Variants in CCSER1 observed in about 807,000 individuals in gnomAD.
The protein encoded by CCSER1 is coiled-coil serine rich protein 1, also known as serine-rich coiled-coil domain-containing protein 1.
A neutral mutation model predicts 82.0 loss-of-function variants in CCSER1; 41 were observed. That is an observed-to-expected ratio of 0.50 (90% CI 0.39 to 0.65). The LOEUF is 0.65. Among genes scored for constraint, CCSER1 ranks in the 30% least tolerant of loss-of-function variants. CCSER1 has a pLI of 0.00. For synonymous variants in CCSER1, 414 were observed against 383.9 expected (o/e 1.08, Z -0.92); for missense variants, 1,119 against 1,064.2 (o/e 1.05, Z -0.72).
At chr4:91,113,056 T>C (rs896600431) in intron 10 of CCSER1, among the ~76,000 whole-genome samples, 1 of 152,240 alleles carries the variant, frequency 6.6e-6, no homozygotes, top group Non-Finnish European at 1.5e-5. Flanking sequence ...TTTGCACTTG[T>C]TATAGCTGCG....
chr4:90,602,057 G>C (rs1049837053), intron 5 of CCSER1, among the ~76,000 whole-genome samples: 1 of 152,048 alleles, frequency 6.6e-6, no homozygotes, highest in African/African-American at 2.4e-5. Context: ...TTTCTGGTAG[G>C]TGTTGTTCTA....
intron 9 of CCSER1, among the ~76,000 whole-genome samples, chr4:91,082,189 A>G (rs1261870284): frequency 1.3e-5 from 2 of 152,166 alleles, no homozygotes; most frequent in Non-Finnish European, 2.9e-5. Context: ...AGTAACCAAA[A>G]CGGCATGGTA....
intron 10 of CCSER1, among the ~76,000 whole-genome samples, chr4:91,406,219 G>A (rs963280384): frequency 6.6e-6 from 1 of 152,164 alleles, no homozygotes; most frequent in African/African-American, 2.4e-5. Flanking sequence ...TAAGTAGCAT[G>A]AAATTGCATA....
chr4:91,565,611 T>C (rs1427503818), intron 10 of CCSER1, among the ~76,000 whole-genome samples: 1 of 152,054 alleles, frequency 6.6e-6, no homozygotes, highest in Non-Finnish European at 1.5e-5. Flanking sequence ...TAGAGATCTT[T>C]CACCTCTTTG....
chr4:90,859,880 T>G (rs1347307819), intron 8 of CCSER1, among the ~76,000 whole-genome samples: 1 of 151,738 alleles, frequency 6.6e-6, no homozygotes, highest in African/African-American at 2.4e-5. Flanking sequence ...TTATTTCATA[T>G]GTATGGCTTA....
At chr4:91,490,378 G>T (rs1053743614) in intron 10 of CCSER1, among the ~76,000 whole-genome samples, 1 of 152,000 alleles carries the variant, frequency 6.6e-6, no homozygotes, top group Non-Finnish European at 1.5e-5. Flanking sequence ...AAGGAAACAT[G>T]GTATATATAC....
At chr4:90,200,090 A>T (rs1421820681) in intron 1 of CCSER1, among the ~76,000 whole-genome samples, 1 of 150,796 alleles carries the variant, frequency 6.6e-6, no homozygotes, top group Non-Finnish European at 1.5e-5. Context: ...ACACACACAC[A>T]CACTTTTTTT....
At chr4:90,665,861 G>A (rs1474998780) in intron 6 of CCSER1, among the ~76,000 whole-genome samples, 2 of 152,156 alleles carry the variant, frequency 1.3e-5, no homozygotes, top group Non-Finnish European at 2.9e-5. Flanking sequence ...AGTCTTCAAG[G>A]TGTTGGCAGT....
At chr4:91,221,721 A>T (rs938605982) in intron 10 of CCSER1, among the ~76,000 whole-genome samples, 2 of 152,138 alleles carry the variant, frequency 1.3e-5, no homozygotes, top group African/African-American at 4.8e-5. Context: ...GTTCAGGTTC[A>T]CTGCCAAGCA....
chr4:91,114,392 G>A (rs760625147), intron 10 of CCSER1, among the ~76,000 whole-genome samples: 2 of 152,090 alleles, frequency 1.3e-5, no homozygotes, highest in Admixed American at 6.5e-5. Context: ...TAAACACTTA[G>A]AAGCACATTC....
intron 10 of CCSER1, among the ~76,000 whole-genome samples, chr4:91,511,940 C>T (rs1578660232): frequency 6.6e-6 from 1 of 152,256 alleles, no homozygotes; most frequent in East Asian, 1.9e-4. Flanking sequence ...AAATTGTCTG[C>T]CGTGAAACCA....
At chr4:90,460,378 T>C (rs1488450361) in intron 4 of CCSER1, among the ~76,000 whole-genome samples, 5 of 141,328 alleles carry the variant, frequency 3.5e-5, no homozygotes, top group Admixed American at 6.9e-5. Flanking sequence ...ATTAAATGGG[T>C]CAAAAATATG....
chr4:90,172,987 G>A (rs574773144), intron 1 of CCSER1, among the ~76,000 whole-genome samples: 2 of 151,828 alleles, frequency 1.3e-5, no homozygotes, highest in South Asian at 2.1e-4. Flanking sequence ...TTGGGATAGT[G>A]CTAGTATCAA....
At chr4:91,408,557 A>G (rs1752840857) in intron 10 of CCSER1, among the ~76,000 whole-genome samples, 1 of 152,188 alleles carries the variant, frequency 6.6e-6, no homozygotes, top group African/African-American at 2.4e-5. Flanking sequence ...TTTTTGCTTT[A>G]AAGTTTTACA....
intron 6 of CCSER1, among the ~76,000 whole-genome samples, chr4:90,638,672 T>C (rs1358792486): frequency 1.3e-5 from 2 of 152,208 alleles, no homozygotes; most frequent in African/African-American, 4.8e-5. Context: ...TATGCTGCTG[T>C]ACAACTTGGT....
In CCSER1 at chr4:90,308,387, T is replaced by C. The variant is rs1040526763; in HGVS notation, c.103T>C (p.Ser35Pro). Residue 35 changes from serine (S) to proline (P), a missense_variant, in exon 2 of 11, where the codon TCC becomes CCC. Physicochemically the swap from Ser to Pro is moderately conservative, Grantham distance 74. Transcript: ENST00000509176. ...TGATTCTCTTCCTTCTTCACCTTCT[T>C]CCAGTAATACAGTTGGTGTCCACAG... is the stretch of plus-strand genomic sequence containing the variant. ...RHDSLPSSPS[S>P]SNTVGVHSSS... 5 of 1,613,612 alleles carry C rather than the reference T, an allele frequency of 3.1e-6. No homozygotes were observed. The highest frequency in any genetic ancestry group is 4.2e-6 in the Non-Finnish European group (5 of 1,179,824).
At chr4:90,542,475 C>T (rs1776235798) in intron 5 of CCSER1, among the ~76,000 whole-genome samples, 1 of 152,086 alleles carries the variant, frequency 6.6e-6, no homozygotes, top group Non-Finnish European at 1.5e-5. Context: ...AGCGATCCAA[C>T]TAAGCTTCAT....
intron 10 of CCSER1, among the ~76,000 whole-genome samples, chr4:91,432,945 A>G (rs763791418): frequency 1.3e-4 from 20 of 152,136 alleles, no homozygotes; most frequent in Non-Finnish European, 2.8e-4. Context: ...TAATACGAGT[A>G]TGTATGAGGT....
At chr4:90,488,673 C>T (rs1004440747) in intron 5 of CCSER1, among the ~76,000 whole-genome samples, 1 of 152,104 alleles carries the variant, frequency 6.6e-6, no homozygotes, top group Non-Finnish European at 1.5e-5. Context: ...TTTAGCCTTA[C>T]ATTTTACAAA....
Sources: gnomAD v4.1 joint callset for allele counts (sites outside exome capture counted in the v4.1 genomes callset) on GRCh38, gnomAD v4.1.1 for gene constraint, MANE v1.5 for transcripts, NCBI Gene and HGNC (gene_info 2026-07-23, HGNC 2026-07-21) for gene names.